The following FRMD6 variants were observed in gnomAD, a reference collection of about 807,000 sequenced individuals.
The protein encoded by FRMD6 is FERM domain containing 6.
FRMD6 carries 37 observed loss-of-function variants against 73.2 expected under a neutral mutation model. The observed-to-expected ratio is 0.51, with a 90% confidence interval of 0.39 to 0.66. The LOEUF is 0.66. Ranked by LOEUF, FRMD6 falls within the 30% of genes least tolerant of loss-of-function variation. FRMD6 has a pLI of 0.00. For missense variants in FRMD6, 714 were observed against 780.5 expected (o/e 0.91, Z 1.02); for synonymous variants, 273 against 282.2 (o/e 0.97, Z 0.33).
At chr14:51,469,095 C>T in the FRMD6 span, among the ~76,000 whole-genome samples, 7 of 151,678 alleles carry the variant, frequency 4.6e-5, no homozygotes, top group African/African-American at 7.3e-5. Context: ...CCCCTGCCAC[C>T]ACGCCCGGCT....
At chr14:51,424,811 G>T in the FRMD6 span, among the ~76,000 whole-genome samples, 2 of 152,178 alleles carry the variant, frequency 1.3e-5, no homozygotes, top group Admixed American at 6.5e-5. Context: ...TCCAAGAAGG[G>T]GAAAGAAGTG....
chr14:51,494,833 G>A (rs1247557235), intron 1 of FRMD6, among the ~76,000 whole-genome samples: 2 of 152,202 alleles, frequency 1.3e-5, no homozygotes, highest in Non-Finnish European at 1.5e-5. Flanking sequence ...TTGGACAATA[G>A]GTCCTGGTTT....
chr14:51,455,594 G>T, the FRMD6 span, among the ~76,000 whole-genome samples: 1 of 152,208 alleles, frequency 6.6e-6, no homozygotes, highest in Admixed American at 6.5e-5. Context: ...TCATCAGTCT[G>T]TGTGATCTTG....
At chr14:51,708,262 T>C in intron 7 of FRMD6, 29 bp downstream of exon 7, 1 of 1,600,316 alleles carries the variant, frequency 6.2e-7, no homozygotes, top group South Asian at 1.1e-5. Context: ...GTCTTCAGCT[T>C]CTGAGAAAAA....
intron 2 of FRMD6, among the ~76,000 whole-genome samples, chr14:51,596,906 T>C (rs1273570021): frequency 6.6e-6 from 1 of 152,244 alleles, no homozygotes; most frequent in African/African-American, 2.4e-5. Context: ...TCCTCAGATC[T>C]GCTGCTCTGT....
chr14:51,595,855 G>T (rs1336380511), intron 2 of FRMD6, among the ~76,000 whole-genome samples: 4 of 152,050 alleles, frequency 2.6e-5, no homozygotes, highest in Non-Finnish European at 5.9e-5. Context: ...AACTATTGTC[G>T]ATAATTAATT....
At chr14:51,535,780 A>G (rs1265919244) in intron 1 of FRMD6, among the ~76,000 whole-genome samples, 1 of 152,164 alleles carries the variant, frequency 6.6e-6, no homozygotes, top group Non-Finnish European at 1.5e-5. Context: ...AAACTTTCCC[A>G]AAGTGGCTGC....
intron 3 of FRMD6, among the ~76,000 whole-genome samples, chr14:51,700,407 G>C (rs1209572921): frequency 6.6e-6 from 1 of 151,970 alleles, no homozygotes; most frequent in Non-Finnish European, 1.5e-5. Context: ...CCCCTGGAAG[G>C]GATGTTTTGG....
At chr14:51,514,840 T>C (rs541933723) in intron 1 of FRMD6, among the ~76,000 whole-genome samples, 1 of 152,234 alleles carries the variant, frequency 6.6e-6, no homozygotes, top group South Asian at 2.1e-4. Flanking sequence ...AGAGTGAGAC[T>C]CTGTCTCAAA....
intron 1 of FRMD6, among the ~76,000 whole-genome samples, chr14:51,542,507 A>G (rs371662110): frequency 6.6e-6 from 1 of 152,054 alleles, no homozygotes; most frequent in South Asian, 2.1e-4. Context: ...ATGATATGCC[A>G]CATTTTCCTT....
intron 1 of FRMD6, among the ~76,000 whole-genome samples, chr14:51,656,508 G>C (rs1704124449): frequency 6.6e-6 from 1 of 151,718 alleles, no homozygotes; most frequent in South Asian, 2.1e-4. Flanking sequence ...CCACCTCCCG[G>C]GTCCAAATGA....
intron 2 of FRMD6, among the ~76,000 whole-genome samples, chr14:51,646,571 G>A (rs1287867312): frequency 6.6e-6 from 1 of 151,490 alleles, no homozygotes; most frequent in Non-Finnish European, 1.5e-5. Flanking sequence ...TTTTCCCCCA[G>A]GTTTTCAGTG....
chr14:51,621,261 C>T (rs1361047757), intron 2 of FRMD6, among the ~76,000 whole-genome samples: 2 of 152,106 alleles, frequency 1.3e-5, no homozygotes, highest in African/African-American at 4.8e-5. Flanking sequence ...GGAGTTGGAT[C>T]CAGCAGCCAA....
intron 1 of FRMD6, among the ~76,000 whole-genome samples, chr14:51,543,813 A>G (rs953176632): frequency 2.0e-5 from 3 of 152,024 alleles, no homozygotes; most frequent in Admixed American, 2.0e-4. Flanking sequence ...AATTTTTTTG[A>G]AATGTAATTC....
chr14:51,584,894 GAATT>G (rs1430549873), intron 2 of FRMD6, among the ~76,000 whole-genome samples: 3 of 152,180 alleles, frequency 2.0e-5, no homozygotes, highest in African/African-American at 7.2e-5. Flanking sequence ...ATTCTTTTTA[GAATT>G]AATTCTTTGT....
intron 1 of FRMD6, among the ~76,000 whole-genome samples, chr14:51,554,379 C>T (rs893321615): frequency 2.0e-5 from 3 of 152,116 alleles, no homozygotes; most frequent in African/African-American, 7.2e-5. Context: ...CTCCCAATTC[C>T]TTAATTGAGG....
chr14:51,644,109 GAAATA>G (rs59219796), intron 2 of FRMD6, among the ~76,000 whole-genome samples: 35,916 of 151,542 alleles, frequency 0.24, 4,584 homozygotes, highest in East Asian at 0.29. Context: ...GCTAAAAATA[GAAATA>G]AAATATACAA....
At chr14:51,690,232 A>G (rs1260307073) in intron 2 of FRMD6, among the ~76,000 whole-genome samples, 1 of 152,216 alleles carries the variant, frequency 6.6e-6, no homozygotes, top group African/African-American at 2.4e-5. Context: ...GAAGTATATG[A>G]ATTTATGTCT....
At chr14:51,456,786 G>A in the FRMD6 span, among the ~76,000 whole-genome samples, 1 of 152,102 alleles carries the variant, frequency 6.6e-6, no homozygotes, top group African/African-American at 2.4e-5. Flanking sequence ...AAGAAAATGT[G>A]GCATATATAC....
Sources: allele counts gnomAD v4.1 joint callset (sites outside exome capture counted in the v4.1 genomes callset), GRCh38; gene constraint gnomAD v4.1.1; transcripts MANE v1.5; gene names NCBI Gene and HGNC (gene_info 2026-07-23, HGNC 2026-07-21).